The following BANK1 variants were observed in gnomAD, a reference collection of about 807,000 sequenced individuals.
BANK1 encodes the protein B-cell scaffold protein with ankyrin repeats.
BANK1 carries 95 observed loss-of-function variants against 94.5 expected under a neutral mutation model. The ratio of observed to expected loss-of-function variants is 1.00; its 90% confidence interval spans 0.85 to 1.19. The LOEUF (loss-of-function observed/expected upper bound fraction) is 1.19. BANK1 is among the 50% of genes most tolerant of loss of function. The pLI, the probability that BANK1 is intolerant of heterozygous loss-of-function variation, is 0.00. For missense variants in BANK1, 987 were observed against 932.2 expected (o/e 1.06, Z -0.77); for synonymous variants, 334 against 308.4 (o/e 1.08, Z -0.87).
chr4:102,042,173 A>AT (rs1363229128), intron 10 of BANK1, among the ~76,000 whole-genome samples: 2 of 152,052 alleles, frequency 1.3e-5, no homozygotes. Context: ...AAAGCATTGC[A>AT]TTTTAAAGAC....
rs1000589393 is a variant in BANK1, at chr4:101,935,891, C to G, written c.1206+17702C>G. ...GAAGAATGAAACTAGAACCCTGTCT[C>G]TCACCATATACAAAAATCAACTGAA... On this transcript the variant is annotated intron_variant, in intron 7 of 16. Transcript: ENST00000322953. 4.0e-5 allele frequency among the ~76,000 whole-genome samples: 6 copies of G among 151,462 alleles called. No homozygotes were observed. The South Asian group carries it at 8.3e-4, about 21-fold the overall frequency.
intron 6 of BANK1, among the ~76,000 whole-genome samples, chr4:101,899,890 A>G (rs1208341583): frequency 1.3e-5 from 2 of 152,200 alleles, no homozygotes; most frequent in African/African-American, 4.8e-5. Flanking sequence ...TCAGGATGCA[A>G]TCTAACACTG....
chr4:101,815,515 A>G (rs1465799229), intron 1 of BANK1, among the ~76,000 whole-genome samples: 2 of 152,168 alleles, frequency 1.3e-5, no homozygotes, highest in Non-Finnish European at 2.9e-5. Flanking sequence ...AATAATTTTC[A>G]CTTTTAAATT....
intron 7 of BANK1, among the ~76,000 whole-genome samples, chr4:102,011,618 T>G (rs912989985): frequency 1.3e-5 from 2 of 152,186 alleles, no homozygotes; most frequent in East Asian, 1.9e-4. Flanking sequence ...AACATGAGCT[T>G]ATTAGTTTTA....
intron 6 of BANK1, among the ~76,000 whole-genome samples, chr4:101,896,004 A>C (rs73836631): frequency 2.2e-3 from 335 of 152,054 alleles, no homozygotes; most frequent in African/African-American, 7.6e-3. Flanking sequence ...TGATGTTCAC[A>C]GTAGTTATGT....
chr4:101,993,038 C>A (rs144598097), intron 7 of BANK1, among the ~76,000 whole-genome samples: 1 of 152,270 alleles, frequency 6.6e-6, no homozygotes, highest in East Asian at 1.9e-4. Context: ...ATCCCCTGGA[C>A]AGCTAATCCA....
chr4:102,021,237 CACTTAA>C (rs1726887199), intron 7 of BANK1, among the ~76,000 whole-genome samples: 1 of 152,176 alleles, frequency 6.6e-6, no homozygotes, highest in South Asian at 2.1e-4. Flanking sequence ...TTCTTTATTA[CACTTAA>C]ACTTAACGAT....
At chr4:101,985,206 A>G (rs931156360) in intron 7 of BANK1, among the ~76,000 whole-genome samples, 2 of 152,148 alleles carry the variant, frequency 1.3e-5, no homozygotes, top group African/African-American at 4.8e-5. Context: ...CAACATCCCA[A>G]CTCAGAAACA....
intron 2 of BANK1, among the ~76,000 whole-genome samples, chr4:101,833,127 G>A (rs1009730283): frequency 6.6e-6 from 1 of 151,880 alleles, no homozygotes; most frequent in Admixed American, 6.6e-5. Flanking sequence ...TTACAGGTGT[G>A]TGCCACCATA....
chr4:101,929,534 A>G lies in BANK1; in HGVS notation c.1206+11345A>G, dbSNP rs144655239. On this transcript the variant is annotated intron_variant, in intron 7 of 16. Coordinates refer to ENST00000322953, the MANE Select transcript of BANK1 (RefSeq NM_017935.5). ...CTTTTCTACTGTATATGGCTTTCAA[A>G]ACGAATGTAGGAAACAATATTTATC... Among the ~76,000 whole-genome samples, 878 of 151,760 alleles carry G rather than the reference A, an allele frequency of 5.8e-3. 15 individuals carry two copies. The highest frequency in any genetic ancestry group is 0.02 in the African/African-American group (829 of 41,502).
chr4:101,870,782 G>C, intron 5 of BANK1, 138 bp downstream of exon 5: 1 of 1,035,204 alleles, frequency 9.7e-7, no homozygotes, highest in Non-Finnish European at 1.3e-6. Flanking sequence ...GAAGGGAAGA[G>C]GCAACCTCTG....
chr4:101,817,637 G>A (rs1221695234), intron 1 of BANK1, among the ~76,000 whole-genome samples: 1 of 152,050 alleles, frequency 6.6e-6, no homozygotes, highest in East Asian at 1.9e-4. Flanking sequence ...CATGGCACAC[G>A]TTTACCTATG....
chr4:101,937,265 A>G (rs1439835754), intron 7 of BANK1, among the ~76,000 whole-genome samples: 1 of 151,910 alleles, frequency 6.6e-6, no homozygotes, highest in Non-Finnish European at 1.5e-5. Flanking sequence ...GAGCTTCTGC[A>G]CAGCAAAATA....
At chr4:101,903,049 CT>C (rs978534921) in intron 6 of BANK1, among the ~76,000 whole-genome samples, 9 of 152,110 alleles carry the variant, frequency 5.9e-5, no homozygotes, top group Non-Finnish European at 1.2e-4. Flanking sequence ...AAGTGAATAC[CT>C]TAATTACAGT....
At chr4:101,805,342 A>G (rs1294546576) in intron 1 of BANK1, among the ~76,000 whole-genome samples, 1 of 152,178 alleles carries the variant, frequency 6.6e-6, no homozygotes, top group East Asian at 1.9e-4. Context: ...GGACATATAG[A>G]AAACAACATT....
chr4:101,815,586 A>T (rs13136796), intron 1 of BANK1, among the ~76,000 whole-genome samples: 45,643 of 151,982 alleles, frequency 0.3, 6,924 homozygotes, highest in African/African-American at 0.34. Context: ...GATGTACTGA[A>T]ATTATTATTG....
intron 7 of BANK1, among the ~76,000 whole-genome samples, chr4:102,006,175 A>T (rs893800202): frequency 1.3e-5 from 2 of 152,048 alleles, no homozygotes; most frequent in Non-Finnish European, 2.9e-5. Context: ...AACAGATGAA[A>T]ACTAGTTCTG....
chr4:101,798,007 AAAG>A (rs1006024335), intron 1 of BANK1, among the ~76,000 whole-genome samples: 5 of 152,220 alleles, frequency 3.3e-5, no homozygotes, highest in African/African-American at 1.2e-4. Flanking sequence ...GAGAGGCTAA[AAAG>A]AAGGAAAACG....
At chr4:101,817,668 C>A (rs1323553694) in intron 1 of BANK1, among the ~76,000 whole-genome samples, 4 of 151,124 alleles carry the variant, frequency 2.6e-5, no homozygotes, top group Non-Finnish European at 4.4e-5. Flanking sequence ...GCACATCTCG[C>A]ACACGTGCCC....
Sources: gnomAD v4.1 joint callset for allele counts (sites outside exome capture counted in the v4.1 genomes callset) on GRCh38, gnomAD v4.1.1 for gene constraint, MANE v1.5 for transcripts, NCBI Gene and HGNC (gene_info 2026-07-23, HGNC 2026-07-21) for gene names.